ROBO1: variants seen among roughly 807,000 people sequenced by gnomAD.
ROBO1 encodes roundabout homolog 1.
Under a neutral mutation model 195.9 loss-of-function variants are expected in ROBO1, and 149 were observed. The ratio of observed to expected loss-of-function variants is 0.76; its 90% CI spans 0.67 to 0.87. The LOEUF is 0.87. Ranked by LOEUF, ROBO1 falls within the 40% of genes least tolerant of loss-of-function variation. The pLI, the probability that ROBO1 is intolerant of heterozygous loss-of-function variation, is 0.00. For missense variants in ROBO1, 1,933 were observed against 2,068.3 expected, an observed-to-expected ratio of 0.93 and a Z score of 1.27; for synonymous variants, 816 against 733.2, an observed-to-expected ratio of 1.11 and a Z score of -1.82.
At chr3:79,460,847 A>C (rs1024783235) in intron 2 of ROBO1, among the ~76,000 whole-genome samples, 1 of 152,072 alleles carries the variant, frequency 6.6e-6, no homozygotes, top group Non-Finnish European at 1.5e-5. Context: ...TCCCTGGTTC[A>C]CGCCATTCTC....
At chr3:78,935,536 A>C (rs979016546) in intron 4 of ROBO1, among the ~76,000 whole-genome samples, 7 of 152,044 alleles carry the variant, frequency 4.6e-5, no homozygotes, top group Non-Finnish European at 7.4e-5. Context: ...AAGTTTAATC[A>C]TTGGTGATAT....
intron 4 of ROBO1, among the ~76,000 whole-genome samples, chr3:78,903,482 TAA>T (rs11293356): frequency 5.0e-4 from 73 of 144,982 alleles, no homozygotes; most frequent in African/African-American, 1.6e-3. Context: ...CCACTTTTAA[TAA>T]AAAAAAAAGT....
At chr3:79,575,057 A>G (rs1218152714) in intron 2 of ROBO1, among the ~76,000 whole-genome samples, 1 of 147,022 alleles carries the variant, frequency 6.8e-6, no homozygotes, top group Non-Finnish European at 1.5e-5. Context: ...CAATCAGCAT[A>G]CATTTTCTGT....
At chr3:79,564,087 C>A in intron 2 of ROBO1, among the ~76,000 whole-genome samples, 1 of 149,434 alleles carries the variant, frequency 6.7e-6, no homozygotes, top group Admixed American at 6.7e-5. Flanking sequence ...ACTCCAATTC[C>A]AAGATAAACA....
At chr3:79,439,181 T>C (rs4420829) in intron 2 of ROBO1, among the ~76,000 whole-genome samples, 13 of 152,174 alleles carry the variant, frequency 8.5e-5, no homozygotes, top group African/African-American at 3.1e-4. Context: ...CTAATAAATA[T>C]ATGTCTACAA....
intron 4 of ROBO1, among the ~76,000 whole-genome samples, chr3:78,786,004 A>C (rs542602304): frequency 3.9e-5 from 6 of 152,194 alleles, no homozygotes; most frequent in Admixed American, 3.3e-4. Flanking sequence ...TTATTATAAA[A>C]CTCTCAATCC....
At chr3:79,459,403 T>C (rs2039726130) in intron 2 of ROBO1, among the ~76,000 whole-genome samples, 1 of 152,172 alleles carries the variant, frequency 6.6e-6, no homozygotes. Flanking sequence ...TGTATTTGCA[T>C]GTAATTTACC....
intron 2 of ROBO1, among the ~76,000 whole-genome samples, chr3:79,463,764 AC>A (rs1937788813): frequency 6.6e-6 from 1 of 152,200 alleles, no homozygotes; most frequent in Admixed American, 6.5e-5. Context: ...CATTTTTACA[AC>A]TAAAATGTTT....
chr3:78,789,690 G>T (rs148281228), intron 4 of ROBO1, among the ~76,000 whole-genome samples: 2 of 152,048 alleles, frequency 1.3e-5, no homozygotes, highest in African/African-American at 4.8e-5. Flanking sequence ...GAGAGAACAC[G>T]GGGCGACTCT....
chr3:78,639,977 C>T (rs937347056), intron 21 of ROBO1, 79 bp from the exon 22 acceptor site: 3 of 1,187,080 alleles, frequency 2.5e-6, no homozygotes, highest in Non-Finnish European at 3.5e-6. Flanking sequence ...CAATAAATTC[C>T]TCATCTTGTT....
chr3:78,606,635 T>C (rs1703471089), intron 29 of ROBO1, 98 bp downstream of exon 29: 1 of 1,268,334 alleles, frequency 7.9e-7, no homozygotes, highest in Non-Finnish European at 1.1e-6. Flanking sequence ...AGCAAACTTC[T>C]TAATCTTACC....
chr3:78,796,850 T>C (rs1410865946), intron 4 of ROBO1, among the ~76,000 whole-genome samples: 2 of 152,200 alleles, frequency 1.3e-5, no homozygotes, highest in Non-Finnish European at 2.9e-5. Flanking sequence ...AAACTGTCAC[T>C]ACCTTGGTCA....
intron 4 of ROBO1, among the ~76,000 whole-genome samples, chr3:78,752,782 T>A (rs887214873): frequency 3.9e-5 from 6 of 152,214 alleles, no homozygotes; most frequent in Non-Finnish European, 8.8e-5. Context: ...AAAAGATGCA[T>A]GTGAACATCA....
intron 2 of ROBO1, among the ~76,000 whole-genome samples, chr3:79,454,138 T>C (rs2039538187): frequency 6.6e-6 from 1 of 151,674 alleles, no homozygotes; most frequent in Non-Finnish European, 1.5e-5. Flanking sequence ...TTCCTTTTTT[T>C]TTTTTTTCTC....
At chr3:78,810,834 C>T (rs2084715260) in intron 4 of ROBO1, among the ~76,000 whole-genome samples, 1 of 152,112 alleles carries the variant, frequency 6.6e-6, no homozygotes, top group South Asian at 2.1e-4. Context: ...TATTTAAACA[C>T]TGAATGTTTC....
intron 3 of ROBO1, among the ~76,000 whole-genome samples, chr3:78,959,468 G>C (rs895009203): frequency 6.6e-6 from 1 of 151,968 alleles, no homozygotes; most frequent in Non-Finnish European, 1.5e-5. Context: ...TTGTTACATG[G>C]CAGAGACCCG....
intron 2 of ROBO1, among the ~76,000 whole-genome samples, chr3:79,519,834 A>G (rs1335809843): frequency 6.6e-6 from 1 of 151,906 alleles, no homozygotes; most frequent in Non-Finnish European, 1.5e-5. Context: ...GTACTTGAGA[A>G]GAATAATTAA....
chr3:79,585,390 T>G (rs1202176987), intron 2 of ROBO1, among the ~76,000 whole-genome samples: 1 of 152,014 alleles, frequency 6.6e-6, no homozygotes, highest in East Asian at 1.9e-4. Context: ...CCCACTGATC[T>G]GCTTATTAGT....
chr3:78,976,974 G>A (rs2076897316), intron 3 of ROBO1, among the ~76,000 whole-genome samples: 1 of 152,120 alleles, frequency 6.6e-6, no homozygotes, highest in South Asian at 2.1e-4. Flanking sequence ...AACACCAAGT[G>A]CCATTTTCTT....
Sources: allele counts gnomAD v4.1 joint callset (sites outside exome capture counted in the v4.1 genomes callset), GRCh38; gene constraint gnomAD v4.1.1; transcripts MANE v1.5; gene names NCBI Gene and HGNC (gene_info 2026-07-23, HGNC 2026-07-21).